The following LRRC23 variants were observed in gnomAD, a reference collection of about 807,000 sequenced individuals.
The protein encoded by LRRC23 is leucine rich repeat containing 23.
A neutral mutation model predicts 37.7 loss-of-function variants in LRRC23; 28 were observed. The observed-to-expected ratio is 0.74, with a 90% confidence interval of 0.55 to 1.02. The LOEUF is 1.02. LRRC23 is among the 50% of genes least tolerant of loss of function. The probability of loss-of-function intolerance (pLI) is 0.00; values close to 1 mark genes in which losing one functional copy is unlikely to be tolerated. For missense variants in LRRC23, 377 were observed against 413.2 expected (o/e 0.91, Z 0.76); for synonymous variants, 161 against 165.4 (o/e 0.97, Z 0.20).
rs782536347 is a variant in LRRC23, at chr12:6,914,031, C to G, written c.*165C>G. 1.2e-5 allele frequency: 20 copies of G among 1,610,846 alleles called. No individual in the cohort carries two copies. Among genetic ancestry groups the G allele is most frequent in the Non-Finnish European group, 1.7e-5 (20 of 1,178,558 alleles). ...CTGAGGCCCAGGATCTGCTCTGTGCCGGTCCTCTGGGCAGTGTGGGGTGCA... is the reference window on the plus strand; with the variant it reads ...CTGAGGCCCAGGATCTGCTCTGTGCGGGTCCTCTGGGCAGTGTGGGGTGCA... On this transcript the variant is annotated 3_prime_UTR_variant, in exon 8 of 8. Transcript: ENST00000443597. The surrounding 1 kb of genome is among the most constrained non-coding windows in gnomAD (Gnocchi z 7.1).
intron 7 of LRRC23, 102 bp downstream of exon 7, chr12:6,913,129 A>G: frequency 8.2e-7 from 1 of 1,220,694 alleles, no homozygotes; most frequent in South Asian, 1.4e-5. Flanking sequence ...GGGAGAGGAA[A>G]GCATCAGACA....
Position 6,905,718 on chromosome 12 carries a change from G to C in LRRC23, c.85G>C (p.Gly29Arg). The change falls in exon 2 of 8, where the codon GGG becomes CGG. Residue 29 changes from glycine to arginine, a missense_variant. This residue lies in a region of LRRC23 where 106 missense variants were observed against 105.9 expected (regional missense o/e 1.00). Transcript: ENST00000443597. ...KEEDEKETEE[G>R]EDYRKEGEEF... is the part of the protein sequence containing the mutation. The stretch of plus-strand genomic sequence containing the variant: ...AGAGGACGAGAAGGAGACAGAGGAG[G>C]GGGAGGACTACAGAAAAGAGGGGGA... 1.2e-6 allele frequency: 2 copies of C among 1,613,618 alleles called. No homozygotes were observed. Among genetic ancestry groups the C allele is most frequent in the Non-Finnish European group, 8.5e-7 (1 of 1,179,730 alleles).
chr12:6,906,052 C>T (rs996337388), intron 3 of LRRC23, 98 bp downstream of exon 3: 1 of 1,047,126 alleles, frequency 9.5e-7, no homozygotes, highest in Non-Finnish European at 1.5e-6. Flanking sequence ...GAGTTTGACT[C>T]TTCTCATGCC....
intron 6 of LRRC23, among the ~76,000 whole-genome samples, chr12:6,912,263 C>A (rs1331943704): frequency 6.6e-6 from 1 of 152,146 alleles, no homozygotes; most frequent in Non-Finnish European, 1.5e-5. Context: ...AATCCCTCCT[C>A]CTCAGCTAAG....
At position 6,914,021 on chromosome 12, in the gene LRRC23, T is replaced by G; in HGVS notation, c.*155T>G. On this transcript the variant is annotated 3_prime_UTR_variant, in exon 8 of 8. Coordinates refer to ENST00000443597, the MANE Select transcript of LRRC23 (RefSeq NM_001135217.2). The surrounding 1 kb of genome is among the most constrained non-coding windows in gnomAD (Gnocchi z 7.1). ...TCATCACAACCTGAGGCCCAGGATCTGCTCTGTGCCGGTCCTCTGGGCAGT... is the reference window on the plus strand; with the variant it reads ...TCATCACAACCTGAGGCCCAGGATCGGCTCTGTGCCGGTCCTCTGGGCAGT... 6.2e-7 allele frequency: 1 copy of G among 1,613,160 alleles called. No homozygotes were observed. Among genetic ancestry groups the G allele is most frequent in the Non-Finnish European group, 8.5e-7 (1 of 1,179,514 alleles).
chr12:6,907,508 T>TACTAGAAAGCAG, intron 5 of LRRC23, 63 bp downstream of exon 5: 1 of 1,526,690 alleles, frequency 6.6e-7, no homozygotes, highest in Non-Finnish European at 9.1e-7. Flanking sequence ...TCAGGATGCC[T>TACTAGAAAGCAG]GCTTTCTAGT....
intron 5 of LRRC23, among the ~76,000 whole-genome samples, chr12:6,908,893 A>G (rs1945025769): frequency 1.4e-5 from 2 of 142,708 alleles, no homozygotes; most frequent in South Asian, 4.3e-4. Flanking sequence ...TTTCTCTTGG[A>G]GCAGGTGAAA....
chr12:6,911,055 C>T (rs1945148650), intron 6 of LRRC23, among the ~76,000 whole-genome samples: 1 of 152,126 alleles, frequency 6.6e-6, no homozygotes, highest in African/African-American at 2.4e-5. Flanking sequence ...CTTCCCATTT[C>T]CTGCCTCTCT....
In LRRC23 at chr12:6,913,398, G is replaced by C. The variant is rs1282722295; in HGVS notation, c.*24+371G>C. ...GTATGCAGCTGGACCTAGGAGAGAA[G>C]CAGGAGAGGAAGATCCAGCACAAAA... On this transcript the variant is annotated intron_variant, in intron 7 of 7. Coordinates refer to ENST00000443597, the MANE Select transcript of LRRC23 (RefSeq NM_001135217.2). Among the ~76,000 whole-genome samples, 3 of 151,756 alleles carry C rather than the reference G, an allele frequency of 2.0e-5. No homozygotes were observed. The East Asian group carries it at 5.8e-4, about 29-fold the overall frequency.
At chr12:6,907,540 CATT>C (rs1944979342) in intron 5 of LRRC23, 95 bp downstream of exon 5, 2 of 1,276,454 alleles carry the variant, frequency 1.6e-6, no homozygotes, top group African/African-American at 2.9e-5. Flanking sequence ...CTAACTTCAT[CATT>C]ATGATAATAA....
Sources: allele counts gnomAD v4.1 joint callset (sites outside exome capture counted in the v4.1 genomes callset), GRCh38; gene constraint gnomAD v4.1.1; regional missense constraint gnomAD v4.1.1; non-coding constraint Gnocchi (gnomAD v3.1); transcripts MANE v1.5; gene names NCBI Gene and HGNC (gene_info 2026-07-23, HGNC 2026-07-21).